Variants in METTL22 observed in about 807,000 individuals in gnomAD.
The protein encoded by METTL22 is methyltransferase 22, Kin17 lysine.
Under a neutral mutation model 48.4 loss-of-function variants are expected in METTL22, and 51 were observed. The observed-to-expected ratio is 1.05, with a 90% CI of 0.84 to 1.33. The LOEUF (loss-of-function observed/expected upper bound fraction) is 1.33. METTL22 is among the 40% of genes most tolerant of loss of function. The pLI is 0.00. For missense variants in METTL22, 678 were observed against 526.9 expected (o/e 1.29, Z -2.81); for synonymous variants, 255 against 214.1 (o/e 1.19, Z -1.67).
the METTL22 span, among the ~76,000 whole-genome samples, chr16:8,656,456 G>T: frequency 3.1e-4 from 47 of 152,336 alleles, no homozygotes; most frequent in South Asian, 6.2e-4. Context: ...GAGAAGCAAA[G>T]ATTAAGCTCC....
At chr16:8,632,238 G>A (rs1311298509) in intron 3 of METTL22, 1 of 152,184 alleles carries the variant, frequency 6.6e-6, no homozygotes, top group Admixed American at 6.5e-5. Flanking sequence ...CCATCCCTGA[G>A]CCTCTTGTTC....
At chr16:8,626,701 G>T (rs373679114) in intron 2 of METTL22, among the ~76,000 whole-genome samples, 6 of 149,676 alleles carry the variant, frequency 4.0e-5, no homozygotes, top group African/African-American at 9.9e-5. Flanking sequence ...CTCCCACCCC[G>T]GCCTCCCAAA....
At chr16:8,629,438 T>G (rs896859543) in intron 3 of METTL22, among the ~76,000 whole-genome samples, 2 of 152,230 alleles carry the variant, frequency 1.3e-5, no homozygotes, top group Non-Finnish European at 2.9e-5. Flanking sequence ...TCCCTGCTGC[T>G]GCCTCCCACA....
At chr16:8,645,915 G>A (rs1419907157) in intron 10 of METTL22, 193 bp from the exon 11 acceptor site, 1 of 949,724 alleles carries the variant, frequency 1.1e-6, no homozygotes, top group African/African-American at 5.2e-5. Context: ...CAGCCTCTCT[G>A]CCACAGTAAA....
At chr16:8,637,599 A>G (rs1164687739) in intron 5 of METTL22, among the ~76,000 whole-genome samples, 2 of 152,216 alleles carry the variant, frequency 1.3e-5, no homozygotes, top group Non-Finnish European at 2.9e-5. Flanking sequence ...AAGGTCATCC[A>G]CAGCTGCTGA....
intron 7 of METTL22, chr16:8,641,656 C>A (rs1328846120): frequency 5.3e-6 from 2 of 376,268 alleles, no homozygotes; most frequent in South Asian, 4.2e-5. Flanking sequence ...TTTTTTTTTC[C>A]CTGTCAGATG....
chr16:8,632,766 G>C (rs551532308), intron 3 of METTL22, among the ~76,000 whole-genome samples: 8 of 152,344 alleles, frequency 5.3e-5, no homozygotes, highest in African/African-American at 1.9e-4. Flanking sequence ...TCTCCAAGAA[G>C]TTAAGTGACT....
In METTL22 at chr16:8,641,147, C is replaced by A. The variant is rs780828194; in HGVS notation, c.789C>A (p.Val263=). Residue 263 remains valine, a synonymous_variant, in exon 7 of 11, where the codon GTC becomes GTA. Transcript: ENST00000381920. ...TTTTTACAGGTGGTATAGTTAGGGT[C>A]AAAGAACTGGACTGGCTGAAGGACG... is the stretch of plus-strand genomic sequence containing the variant. ...LAATGGGIVR[V]KELDWLKDDL... is the part of the protein sequence containing the mutation. 6.2e-7 allele frequency: 1 copy of A among 1,613,858 alleles called. No homozygotes were observed. The highest frequency in any genetic ancestry group is 1.1e-5 in the South Asian group (1 of 91,060).
rs771226105 is a variant in METTL22 at position 8,634,995 on chromosome 16, C to G, written c.515-44C>G. 6.2e-6 allele frequency: 10 copies of G among 1,612,262 alleles called. No individual in the cohort carries two copies. In the Middle Eastern group the frequency reaches 1.5e-3, roughly 236 times the overall value. On this transcript the variant is annotated intron_variant, in intron 3 of 10. Coordinates refer to ENST00000381920, the MANE Select transcript of METTL22 (RefSeq NM_024109.4). ...CCTGTCTTGTGGTTTTCTGTCCATC[C>G]CCATTTCACAGTGGGCATTTCTCTT...
At chr16:8,624,457 G>C (rs2055971238) in intron 1 of METTL22, among the ~76,000 whole-genome samples, 1 of 150,736 alleles carries the variant, frequency 6.6e-6, no homozygotes, top group East Asian at 1.9e-4. Context: ...TCAGCTCACT[G>C]CAACCCCTGC....
At chr16:8,663,455 G>A in the METTL22 span, among the ~76,000 whole-genome samples, 2 of 152,018 alleles carry the variant, frequency 1.3e-5, no homozygotes, top group Non-Finnish European at 1.5e-5. Context: ...CGAGTGCACC[G>A]TCCCTGAAAG....
chr16:8,631,992 T>C (rs1034442949), intron 3 of METTL22: 1 of 152,252 alleles, frequency 6.6e-6, no homozygotes, highest in Non-Finnish European at 1.5e-5. Context: ...TTGTGATCTC[T>C]GACTATCCTG....
At chr16:8,651,403 A>AAAAAAAAAAAAAC, downstream of METTL22, among the ~76,000 whole-genome samples, 2 of 149,990 alleles carry the variant, frequency 1.3e-5, no homozygotes, top group African/African-American at 2.5e-5. Context: ...AAAAAAAAAA[A>AAAAAAAAAAAAAC]CATACTAAAT....
downstream of METTL22, among the ~76,000 whole-genome samples, chr16:8,651,118 T>A (rs147818423): frequency 0.013 from 1,989 of 152,168 alleles, 53 homozygotes; most frequent in African/African-American, 0.045. Context: ...CCAGGCGCAG[T>A]GGCTCATACC....
chr16:8,632,945 C>T (rs943535281), intron 3 of METTL22, among the ~76,000 whole-genome samples: 1 of 152,136 alleles, frequency 6.6e-6, no homozygotes, highest in South Asian at 2.1e-4. Flanking sequence ...GGACCAAGAT[C>T]ACTATGAGAA....
chr16:8,659,288 G>A, the METTL22 span, among the ~76,000 whole-genome samples: 1 of 150,964 alleles, frequency 6.6e-6, no homozygotes, highest in African/African-American at 2.4e-5. Context: ...CCAAGATTGC[G>A]CCTCTGTACT....
chr16:8,644,882 C>G (rs146697240), intron 10 of METTL22, 157 bp downstream of exon 10: 8 of 741,138 alleles, frequency 1.1e-5, no homozygotes, highest in Non-Finnish European at 1.4e-5. Context: ...GTAGTGGAAC[C>G]TGTTGGGGGA....
chr16:8,647,940 C>T lies in METTL22; in HGVS notation c.*1797C>T, dbSNP rs2056832461. 1 of 152,278 alleles carries T rather than the reference C, an allele frequency of 6.6e-6. No homozygotes were observed. The highest frequency in any genetic ancestry group is 2.4e-5 in the African/African-American group (1 of 41,466). 9.4% of individuals were successfully genotyped at this position (152,278 alleles called of 1,614,324 possible). On this transcript the variant is annotated 3_prime_UTR_variant, in exon 11 of 11. Transcript: ENST00000381920. Reference sequence around the variant, plus strand: ...GTCAGGTTTAGAGCCCATGTCCACCCATGTCCATCTGACTCCTGAGCCTGT... The same window carrying T: ...GTCAGGTTTAGAGCCCATGTCCACCTATGTCCATCTGACTCCTGAGCCTGT...
At chr16:8,652,665 CAAAT>C (rs1411380079), downstream of METTL22, among the ~76,000 whole-genome samples, 1 of 112,000 alleles carries the variant, frequency 8.9e-6, no homozygotes, top group Non-Finnish European at 1.8e-5. Context: ...TTATTTAAAA[CAAAT>C]AATTATTTTA....
Sources: gnomAD v4.1 joint callset for allele counts (sites outside exome capture counted in the v4.1 genomes callset) on GRCh38, gnomAD v4.1.1 for gene constraint, MANE v1.5 for transcripts, NCBI Gene and HGNC (gene_info 2026-07-23, HGNC 2026-07-21) for gene names.